Variants in ITIH5 observed in about 807,000 individuals in gnomAD.
The protein encoded by ITIH5 is inter-alpha-trypsin inhibitor heavy chain 5, also known as inter-alpha-trypsin inhibitor heavy chain H5.
A neutral mutation model predicts 77.5 loss-of-function variants in ITIH5; 65 were observed. The ratio of observed to expected loss-of-function variants is 0.84; its 90% CI spans 0.69 to 1.03. ITIH5 has a LOEUF of 1.03. ITIH5 is among the 50% of genes least tolerant of loss of function. The pLI, the probability that ITIH5 is intolerant of heterozygous loss-of-function variation, is 0.00. For missense variants in ITIH5, 1,208 were observed against 1,213.1 expected, an observed-to-expected ratio of 1.00 and a Z score of 0.06; for synonymous variants, 525 against 494.3, an observed-to-expected ratio of 1.06 and a Z score of -0.82.
intron 7 of ITIH5, among the ~76,000 whole-genome samples, chr10:7,596,026 T>C (rs1021351587): frequency 2.6e-5 from 4 of 152,078 alleles, no homozygotes; most frequent in African/African-American, 9.7e-5. Context: ...AATAAATAAA[T>C]AAACAAATAA....
intron 5 of ITIH5, chr10:7,621,280 A>C (rs190084696): frequency 1.3e-5 from 2 of 152,358 alleles, no homozygotes; most frequent in East Asian, 3.8e-4. Flanking sequence ...CAATCTCGTG[A>C]AAATGCTTTT....
intron 1 of ITIH5, among the ~76,000 whole-genome samples, chr10:7,665,960 C>G (rs1166497234): frequency 2.6e-5 from 4 of 152,212 alleles, no homozygotes. Context: ...CTCTTCAAAA[C>G]AGGGGCTGGA....
At chr10:7,578,561 C>T (rs552873134) in intron 9 of ITIH5, 14 of 152,570 alleles carry the variant, frequency 9.2e-5, no homozygotes, top group African/African-American at 3.4e-4. Flanking sequence ...TTAAATCTTT[C>T]ATTAAAATGC....
chr10:7,585,801 A>G, intron 8 of ITIH5, 100 bp downstream of exon 8: 1 of 1,089,362 alleles, frequency 9.2e-7, no homozygotes, highest in Non-Finnish European at 1.3e-6. Context: ...CATCAACCCC[A>G]GCTTTCAAAT....
chr10:7,626,523 G>A (rs1202532377), intron 5 of ITIH5, among the ~76,000 whole-genome samples: 1 of 152,144 alleles, frequency 6.6e-6, no homozygotes, highest in Non-Finnish European at 1.5e-5. Context: ...TTTCGCAGAG[G>A]CCAAACAGGG....
chr10:7,583,801 G>T (rs1302948146), intron 8 of ITIH5, among the ~76,000 whole-genome samples: 1 of 152,080 alleles, frequency 6.6e-6, no homozygotes, highest in Non-Finnish European at 1.5e-5. Flanking sequence ...TAGCTTTCCC[G>T]ATGGCACACA....
At chr10:7,604,316 G>T (rs1833078836) in intron 7 of ITIH5, among the ~76,000 whole-genome samples, 1 of 152,154 alleles carries the variant, frequency 6.6e-6, no homozygotes, top group South Asian at 2.1e-4. Flanking sequence ...CTTTGATGGA[G>T]CCAGCTTCAT....
At chr10:7,653,063 C>G (rs1218316811) in intron 2 of ITIH5, among the ~76,000 whole-genome samples, 1 of 152,134 alleles carries the variant, frequency 6.6e-6, no homozygotes, top group African/African-American at 2.4e-5. Flanking sequence ...GATATCACTT[C>G]CTAAGTAAGA....
At chr10:7,565,918 C>T (rs1832144624) in intron 13 of ITIH5, 112 bp downstream of exon 13, 1 of 1,432,632 alleles carries the variant, frequency 7.0e-7, no homozygotes, top group Non-Finnish European at 9.4e-7. Context: ...TAATGAAAAC[C>T]ACATTCCTAT....
At chr10:7,597,731 C>T (rs557673102) in intron 7 of ITIH5, among the ~76,000 whole-genome samples, 2 of 152,292 alleles carry the variant, frequency 1.3e-5, no homozygotes, top group Non-Finnish European at 2.9e-5. Flanking sequence ...TGTCCCCAGG[C>T]TCTGGGTGTC....
intron 2 of ITIH5, among the ~76,000 whole-genome samples, chr10:7,650,798 C>T (rs1834086628): frequency 6.6e-6 from 1 of 152,010 alleles, no homozygotes; most frequent in African/African-American, 2.4e-5. Context: ...AAGGCACTTC[C>T]CCAACTGCTA....
chr10:7,628,398 C>A (rs1447700360), intron 5 of ITIH5, among the ~76,000 whole-genome samples: 1 of 152,214 alleles, frequency 6.6e-6, no homozygotes, highest in South Asian at 2.1e-4. Context: ...AGTCTGGCTT[C>A]TTTCACTTAG....
At chr10:7,589,051 C>G (rs12765304) in intron 7 of ITIH5, among the ~76,000 whole-genome samples, 1 of 152,138 alleles carries the variant, frequency 6.6e-6, no homozygotes, top group African/African-American at 2.4e-5. Flanking sequence ...TGCAGCAAAT[C>G]TGGGGATCTC....
At chr10:7,579,699 A>C in intron 9 of ITIH5, 56 bp downstream of exon 9, 1 of 1,554,108 alleles carries the variant, frequency 6.4e-7, no homozygotes, top group South Asian at 1.1e-5. Context: ...TTCCCACCGC[A>C]GCCACCCCTC....
Position 7,562,855 on chromosome 10 carries a change from G to C in ITIH5, c.*228C>G. 1 of 592,820 alleles carries C rather than the reference G, an allele frequency of 1.7e-6. No homozygotes were observed. Among genetic ancestry groups the C allele is most frequent in the Non-Finnish European group, 3.0e-6 (1 of 329,886 alleles). The allele number at this position is 592,820 out of a possible 1,614,324, so 36.7% of individuals were successfully genotyped here. A position where few individuals can be genotyped will look rare whatever the true frequency, so the allele number is the denominator to read the frequency against. Reference sequence around the variant, plus strand: ...TGTGGATGTGGGCAGGGTGGGGAGAGGCAGGAAGAGGCAGTAGAGGGAAAT... The same window carrying C: ...TGTGGATGTGGGCAGGGTGGGGAGACGCAGGAAGAGGCAGTAGAGGGAAAT... On this transcript the variant is annotated 3_prime_UTR_variant, in exon 14 of 14. Transcript: ENST00000397146.
Position 7,576,573 on chromosome 10 carries a change from A to T in ITIH5, c.1858T>A (p.Ser620Thr). The part of the protein sequence containing the change: ...VSYRFLTPFT[S>T]MKLRGPVPRM... ...GGGACCGGCCCCCTCAGCTTCATGG[A>T]GGTGAAGGGAGTGAGGAAGCGGTAG... Residue 620 changes from serine (S) to threonine (T), a missense_variant, in exon 10 of 14, where the codon TCC becomes ACC. Coordinates refer to ENST00000397146, the MANE Select transcript of ITIH5 (RefSeq NM_030569.7). 6.2e-7 allele frequency: 1 copy of T among 1,613,856 alleles called. No individual in the cohort carries two copies. The highest frequency in any genetic ancestry group is 8.5e-7 in the Non-Finnish European group (1 of 1,180,014).
At chr10:7,571,921 A>G in intron 11 of ITIH5, 1 of 973,026 alleles carries the variant, frequency 1.0e-6, no homozygotes, top group Non-Finnish European at 1.2e-6. Flanking sequence ...CCATGGAGAT[A>G]GAGGACAACT....
At chr10:7,568,990 T>A (rs1469058484) in intron 12 of ITIH5, among the ~76,000 whole-genome samples, 1 of 149,302 alleles carries the variant, frequency 6.7e-6, no homozygotes, top group African/African-American at 2.5e-5. Context: ...ATTGTGGTTT[T>A]CTTTTCTTTT....
At chr10:7,565,957 G>A in intron 13 of ITIH5, 73 bp downstream of exon 13, 1 of 1,536,316 alleles carries the variant, frequency 6.5e-7, no homozygotes, top group Non-Finnish European at 8.8e-7. Flanking sequence ...GAAAGGTGTT[G>A]GCAATATCAG....
Sources: gnomAD v4.1 joint callset for allele counts (sites outside exome capture counted in the v4.1 genomes callset) on GRCh38, gnomAD v4.1.1 for gene constraint, MANE v1.5 for transcripts, NCBI Gene and HGNC (gene_info 2026-07-23, HGNC 2026-07-21) for gene names.